Variants in SMYD3 observed in about 807,000 individuals in gnomAD.
SMYD3 encodes SET and MYND domain containing 3.
Under a neutral mutation model 57.7 loss-of-function variants are expected in SMYD3, and 36 were observed. That is an observed-to-expected ratio of 0.62 (90% CI 0.48 to 0.82). SMYD3 has a LOEUF of 0.82. Ranked by LOEUF, SMYD3 falls within the 40% of genes least tolerant of loss-of-function variation. The pLI is 0.00. For synonymous variants in SMYD3, 211 were observed against 195.0 expected (o/e 1.08, Z -0.68); for missense variants, 515 against 538.8 (o/e 0.96, Z 0.44).
At chr1:246,326,404 GAA>G (rs57404221) in intron 5 of SMYD3, 164 of 612,866 alleles carry the variant, frequency 2.7e-4, no homozygotes, top group Admixed American at 3.3e-4. Context: ...GGCTAGTGAA[GAA>G]AAAAAAAAAT....
chr1:246,288,454 A>G (rs2064618120), intron 5 of SMYD3, among the ~76,000 whole-genome samples: 1 of 152,142 alleles, frequency 6.6e-6, no homozygotes, highest in Non-Finnish European at 1.5e-5. Flanking sequence ...TATGTTATGC[A>G]GTGGATCCTG....
intron 10 of SMYD3, among the ~76,000 whole-genome samples, chr1:245,833,316 G>A (rs7412659): frequency 0.028 from 4,230 of 152,174 alleles, 177 homozygotes; most frequent in African/African-American, 0.096. Flanking sequence ...ATCTACCCAC[G>A]TCTCTTTTAT....
chr1:245,928,736 T>C (rs1204697294), intron 6 of SMYD3, among the ~76,000 whole-genome samples: 1 of 152,134 alleles, frequency 6.6e-6, no homozygotes, highest in Non-Finnish European at 1.5e-5. Context: ...ACCTCTCCCA[T>C]AGGATCTCAT....
intron 5 of SMYD3, among the ~76,000 whole-genome samples, chr1:246,038,512 G>A (rs1218194706): frequency 6.6e-6 from 1 of 152,198 alleles, no homozygotes; most frequent in African/African-American, 2.4e-5. Flanking sequence ...CTATCCACAT[G>A]TGCCTCGGGT....
Position 245,861,090 on chromosome 1 carries a change from T to C in SMYD3, c.902-2420A>G, listed in dbSNP as rs538412877. ...ACTACGTGCCAATTTCCCTTCACAA[T>C]GCTGGCAACTGTCTCTTGCCAAACA... is the stretch of plus-strand genomic sequence containing the variant. On this transcript the variant is annotated intron_variant, in intron 9 of 11. Transcript: ENST00000490107. Among the ~76,000 whole-genome samples the C allele has an allele frequency of 1.0e-4, 16 of 152,382 alleles. No homozygotes were observed. The South Asian group carries it at 3.1e-3, about 30-fold the overall frequency.
intron 5 of SMYD3, among the ~76,000 whole-genome samples, chr1:246,240,765 A>G (rs113979739): frequency 0.21 from 31,520 of 151,896 alleles, 3,981 homozygotes; most frequent in East Asian, 0.58. Flanking sequence ...CTTTTATTTC[A>G]TTGAGCAGTG....
chr1:246,459,438 C>T (rs2067761148), intron 1 of SMYD3, among the ~76,000 whole-genome samples: 1 of 151,836 alleles, frequency 6.6e-6, no homozygotes, highest in African/African-American at 2.4e-5. Context: ...GAGTTTGTGG[C>T]ACGTCCCCCT....
chr1:245,883,408 T>C (rs1204792056), intron 8 of SMYD3, among the ~76,000 whole-genome samples: 1 of 152,200 alleles, frequency 6.6e-6, no homozygotes, highest in African/African-American at 2.4e-5. Context: ...CAACATCCCG[T>C]AATTATTTTG....
At chr1:246,113,507 G>T (rs187700830) in intron 5 of SMYD3, among the ~76,000 whole-genome samples, 172 of 152,264 alleles carry the variant, frequency 1.1e-3, no homozygotes, top group African/African-American at 3.8e-3. Context: ...ATAAAATAGA[G>T]AACTTCATTT....
chr1:245,920,548 T>C (rs548185019), intron 7 of SMYD3, among the ~76,000 whole-genome samples: 3 of 152,174 alleles, frequency 2.0e-5, no homozygotes, highest in Non-Finnish European at 2.9e-5. Flanking sequence ...CTTAATATTA[T>C]AGTCTTCAGG....
chr1:246,319,911 T>C (rs1020618779), intron 5 of SMYD3, among the ~76,000 whole-genome samples: 4 of 152,234 alleles, frequency 2.6e-5, no homozygotes, highest in African/African-American at 4.8e-5. Flanking sequence ...CATGCTGATT[T>C]ATATACTTCA....
intron 5 of SMYD3, among the ~76,000 whole-genome samples, chr1:245,943,218 T>G (rs1187192616): frequency 4.0e-5 from 6 of 149,722 alleles, no homozygotes; most frequent in South Asian, 2.1e-4. Context: ...AGTTTTTTTT[T>G]TTTTTTTTTT....
chr1:245,858,321 C>G (rs1228858774), intron 10 of SMYD3, among the ~76,000 whole-genome samples, 175 bp downstream of exon 10: 2 of 152,192 alleles, frequency 1.3e-5, no homozygotes, highest in Non-Finnish European at 2.9e-5. Context: ...TGAATGAATG[C>G]ATAAGTGAAT....
intron 5 of SMYD3, among the ~76,000 whole-genome samples, chr1:245,968,933 C>T (rs2058224608): frequency 6.6e-6 from 1 of 152,138 alleles, no homozygotes; most frequent in African/African-American, 2.4e-5. Context: ...CTTTCTCTTC[C>T]TATCATTGAT....
chr1:246,233,148 C>T lies in SMYD3; in HGVS notation c.531+94053G>A, dbSNP rs147580574. On this transcript the variant is annotated intron_variant, in intron 5 of 11. Transcript: ENST00000490107. ...ACATATTCCACACAGAGGAGAAACG[C>T]TCCTTCAATTCACACTGTGATGAAC... Among the ~76,000 whole-genome samples, 968 of 125,222 alleles carry T rather than the reference C, an allele frequency of 7.7e-3. 123 individuals are homozygous for T. Among genetic ancestry groups the T allele is most frequent in the African/African-American group, 0.027 (917 of 33,468 alleles). The allele number at this position is 125,222 out of a possible 152,430, so 82.2% of individuals were successfully genotyped here.
chr1:246,097,516 CAG>C (rs2060936701), intron 5 of SMYD3, among the ~76,000 whole-genome samples: 1 of 152,106 alleles, frequency 6.6e-6, no homozygotes, highest in Admixed American at 6.6e-5. Context: ...TTGGCTTGGT[CAG>C]AGTTAGCTGG....
intron 5 of SMYD3, among the ~76,000 whole-genome samples, chr1:245,969,026 T>A (rs2058228256): frequency 6.6e-6 from 1 of 152,220 alleles, no homozygotes; most frequent in East Asian, 1.9e-4. Flanking sequence ...CTAAAAAGTA[T>A]GTAATTCTGA....
chr1:246,428,178 T>TA (rs2067248474), intron 1 of SMYD3, among the ~76,000 whole-genome samples: 1 of 152,152 alleles, frequency 6.6e-6, no homozygotes. Flanking sequence ...TGTTCAATCC[T>TA]GGAAAAAATT....
Position 246,281,503 on chromosome 1 carries a change from G to A in SMYD3, c.531+45698C>T, listed in dbSNP as rs1181996752. ...GTGAGAATACTGATCATATCATACC[G>A]CAATGTTTTTCCTTTAAAGAGATGT... On this transcript the variant is annotated intron_variant, in intron 5 of 11. Coordinates refer to ENST00000490107, the MANE Select transcript of SMYD3 (RefSeq NM_001167740.2). Among the ~76,000 whole-genome samples the A allele has an allele frequency of 1.2e-4, 18 of 152,202 alleles. No homozygotes were observed. In the East Asian group the frequency reaches 3.1e-3, roughly 26 times the overall value.
Sources: gnomAD v4.1 joint callset for allele counts (sites outside exome capture counted in the v4.1 genomes callset) on GRCh38, gnomAD v4.1.1 for gene constraint, MANE v1.5 for transcripts, NCBI Gene and HGNC (gene_info 2026-07-23, HGNC 2026-07-21) for gene names.